TIMD4: variants seen among roughly 807,000 people sequenced by gnomAD.
The protein encoded by TIMD4 is T cell immunoglobulin and mucin domain containing 4, also known as T-cell immunoglobulin and mucin domain-containing protein 4.
A neutral mutation model predicts 41.2 loss-of-function variants in TIMD4; 31 were observed. That is an observed-to-expected ratio of 0.75 (90% CI 0.57 to 1.01). TIMD4 has a LOEUF of 1.01. TIMD4 is among the 50% of genes least tolerant of loss of function. The pLI, the probability that TIMD4 is intolerant of heterozygous loss-of-function variation, is 0.00. For missense variants in TIMD4, 479 were observed against 472.5 expected (o/e 1.01, Z -0.13); for synonymous variants, 204 against 177.1 (o/e 1.15, Z -1.21).
Position 156,954,559 on chromosome 5 carries a change from G to C in TIMD4, c.256C>G (p.Leu86Val). The C allele has an allele frequency of 1.2e-6, 2 of 1,614,260 alleles. No homozygotes were observed. Among genetic ancestry groups the C allele is most frequent in the Non-Finnish European group, 1.7e-6 (2 of 1,180,044 alleles). The change falls in exon 2 of 9, where the codon CTT (leucine) becomes GTT (valine). Residue 86 changes from leucine (L) to valine (V), a missense_variant. Physicochemically the swap from Leu to Val is conservative, Grantham distance 32 (BLOSUM62 1). Transcript: ENST00000274532. ...VTSRKSAKYR[L>V]QGTIPRGDVS... Reference sequence around the variant, plus strand: ...TCACCTCTCGGGATAGTCCCCTGAAGTCTATATTTTGCTGACTTTCTTGAG... The same window carrying C: ...TCACCTCTCGGGATAGTCCCCTGAACTCTATATTTTGCTGACTTTCTTGAG...
chr5:156,949,511 G>A lies in TIMD4; in HGVS notation c.760+140C>T, dbSNP rs372433665. On this transcript the variant is annotated intron_variant, in intron 4 of 8. Coordinates refer to ENST00000274532, the MANE Select transcript of TIMD4 (RefSeq NM_138379.3). ...AACAAACTACAAAGGCTGCCTTGAG[G>A]CCAATTTGCCACAGGGGGATTTTAT... The A allele has an allele frequency of 9.1e-5, 62 of 684,790 alleles. 2 individuals carry two copies. The East Asian group carries it at 1.2e-3, about 13-fold the overall frequency. 42.4% of individuals were successfully genotyped at this position (684,790 alleles called of 1,614,324 possible). A position where few individuals can be genotyped will look rare whatever the true frequency, so the allele number is the denominator to read the frequency against.
chr5:156,931,143 C>T (rs755329606), intron 5 of TIMD4, among the ~76,000 whole-genome samples: 6 of 152,178 alleles, frequency 3.9e-5, no homozygotes, highest in Non-Finnish European at 8.8e-5. Context: ...CAAGGAATGC[C>T]TCTAGGAGCT....
intron 4 of TIMD4, among the ~76,000 whole-genome samples, 194 bp from the exon 5 acceptor site, chr5:156,948,693 G>A (rs1444942799): frequency 6.6e-6 from 1 of 152,204 alleles, no homozygotes; most frequent in Admixed American, 6.5e-5. Flanking sequence ...GTAAACACAG[G>A]ATAGGTGTTA....
At chr5:156,960,593 G>A (rs1360496389) in intron 1 of TIMD4, among the ~76,000 whole-genome samples, 1 of 152,090 alleles carries the variant, frequency 6.6e-6, no homozygotes, top group Non-Finnish European at 1.5e-5. Flanking sequence ...TTTTAGTAGA[G>A]ACGGGGTTTC....
At chr5:156,958,627 T>C (rs934782685) in intron 1 of TIMD4, among the ~76,000 whole-genome samples, 1 of 152,224 alleles carries the variant, frequency 6.6e-6, no homozygotes, top group Non-Finnish European at 1.5e-5. Flanking sequence ...ATAGCCACAC[T>C]GTGAGGAAAT....
chr5:156,951,941 C>T (rs1048839672), intron 2 of TIMD4, 151 bp from the exon 3 acceptor site: 7 of 1,036,562 alleles, frequency 6.8e-6, no homozygotes, highest in Admixed American at 2.2e-5. Context: ...GTGTTTCCTG[C>T]CCCCACCCTG....
At chr5:156,933,286 G>A (rs1759476440) in intron 5 of TIMD4, among the ~76,000 whole-genome samples, 1 of 152,148 alleles carries the variant, frequency 6.6e-6, no homozygotes, top group East Asian at 1.9e-4. Context: ...GGAGGCCAAG[G>A]TGGAAGGGTC....
At chr5:156,946,696 A>C (rs901012545) in intron 5 of TIMD4, among the ~76,000 whole-genome samples, 3 of 151,050 alleles carry the variant, frequency 2.0e-5, no homozygotes, top group Admixed American at 6.6e-5. Flanking sequence ...CATGTTAGAC[A>C]GGATGGTCTT....
intron 5 of TIMD4, among the ~76,000 whole-genome samples, chr5:156,938,990 C>T (rs1399117675): frequency 6.6e-6 from 1 of 152,178 alleles, no homozygotes; most frequent in Non-Finnish European, 1.5e-5. Flanking sequence ...GGAGTAGCTC[C>T]TTAGTTGGCT....
intron 5 of TIMD4, among the ~76,000 whole-genome samples, chr5:156,940,687 G>C (rs369780302): frequency 3.3e-5 from 5 of 151,454 alleles, no homozygotes; most frequent in Admixed American, 6.6e-5. Flanking sequence ...CGGCTGCCCC[G>C]TATGAGAAGT....
intron 5 of TIMD4, among the ~76,000 whole-genome samples, chr5:156,928,602 C>G (rs1274947826): frequency 2.0e-5 from 3 of 152,140 alleles, no homozygotes; most frequent in Admixed American, 2.0e-4. Flanking sequence ...TGAAATTGAT[C>G]ATTGTTTCCC....
chr5:156,963,065 A>G lies in TIMD4; in HGVS notation c.58+76T>C. The G allele has an allele frequency of 2.0e-6, 3 of 1,469,398 alleles. No homozygotes were observed. The Admixed American group carries it at 5.0e-5, about 25-fold the overall frequency. 91.0% of individuals were successfully genotyped at this position (1,469,398 alleles called of 1,614,324 possible). ...TGAGCTTCTGCTTCACTGAGGCCCA[A>G]ACCAGTGCATGGAAATCCATCACAC... On this transcript the variant is annotated intron_variant, in intron 1 of 8. Coordinates refer to ENST00000274532, the MANE Select transcript of TIMD4 (RefSeq NM_138379.3).
chr5:156,934,887 C>A (rs1759510673), intron 5 of TIMD4, among the ~76,000 whole-genome samples: 1 of 152,204 alleles, frequency 6.6e-6, no homozygotes, highest in Non-Finnish European at 1.5e-5. Flanking sequence ...TATGTTGACT[C>A]ATCATTGAAT....
chr5:156,940,915 A>G (rs935361398), intron 5 of TIMD4, among the ~76,000 whole-genome samples: 2 of 152,244 alleles, frequency 1.3e-5, no homozygotes, highest in African/African-American at 4.8e-5. Context: ...TCAGATTGTT[A>G]CTGTGTCTGT....
Position 156,936,141 on chromosome 5 carries a change from C to T in TIMD4, c.845-9829G>A, listed in dbSNP as rs182807105. 5.7e-4 allele frequency among the ~76,000 whole-genome samples: 86 copies of T among 152,060 alleles called. 1 individual carries two copies. The South Asian group carries it at 0.015, about 26-fold the overall frequency. ...GTAGTCCCAGCTACTCAGGAGGCTG[C>T]GGCAGGAGGATCGCTTGAGCCCAAG... is the stretch of plus-strand genomic sequence containing the variant. On this transcript the variant is annotated intron_variant, in intron 5 of 8. Coordinates refer to ENST00000274532, the MANE Select transcript of TIMD4 (RefSeq NM_138379.3).
chr5:156,956,664 G>A (rs1252957979), intron 1 of TIMD4, among the ~76,000 whole-genome samples: 2 of 152,168 alleles, frequency 1.3e-5, no homozygotes, highest in African/African-American at 2.4e-5. Context: ...AAAATGTTAA[G>A]CCCATTGGTT....
At chr5:156,961,855 A>G (rs988786753) in intron 1 of TIMD4, among the ~76,000 whole-genome samples, 3 of 150,812 alleles carry the variant, frequency 2.0e-5, no homozygotes, top group Admixed American at 1.3e-4. Flanking sequence ...AAAAAAAAGA[A>G]AATGTGGTAT....
intron 6 of TIMD4, among the ~76,000 whole-genome samples, chr5:156,923,143 A>ATT (rs375276732): frequency 1.3e-4 from 17 of 135,042 alleles, no homozygotes; most frequent in Non-Finnish European, 1.3e-4. Flanking sequence ...CTGGGATTAA[A>ATT]TTTTTTTTTT....
At chr5:156,945,020 C>A (rs138174147) in intron 5 of TIMD4, among the ~76,000 whole-genome samples, 1 of 152,010 alleles carries the variant, frequency 6.6e-6, no homozygotes, top group Non-Finnish European at 1.5e-5. Flanking sequence ...GCTTTGCCAT[C>A]GAAAATTACA....
Sources: allele counts gnomAD v4.1 joint callset (sites outside exome capture counted in the v4.1 genomes callset), GRCh38; gene constraint gnomAD v4.1.1; transcripts MANE v1.5; gene names NCBI Gene and HGNC (gene_info 2026-07-23, HGNC 2026-07-21).